The following ACKR3 variants were observed in gnomAD, a reference collection of about 807,000 sequenced individuals.
ACKR3 encodes C-X-C chemokine receptor type 7.
A neutral mutation model predicts 22.4 loss-of-function variants in ACKR3; 6 were observed. The observed-to-expected ratio is 0.27, with a 90% CI of 0.15 to 0.53. The LOEUF is 0.53. Among genes scored for constraint, ACKR3 ranks in the 20% least tolerant of loss-of-function variants. The pLI is 0.96. For missense variants in ACKR3, 396 were observed against 475.2 expected, an observed-to-expected ratio of 0.83 and a Z score of 1.55; for synonymous variants, 209 against 205.2, an observed-to-expected ratio of 1.02 and a Z score of -0.16.
At chr2:236,552,852 G>A in the ACKR3 span, among the ~76,000 whole-genome samples, 8,951 of 152,232 alleles carry the variant, frequency 0.059, 326 homozygotes, top group Non-Finnish European at 0.093. Flanking sequence ...CCACTTGTAC[G>A]GGCCTCTTCC....
rs144999866 is a variant in ACKR3, at chr2:236,580,812, C to T, written c.347C>T (p.Thr116Met). The change falls in exon 2 of 2, where the codon ACG (threonine) becomes ATG (methionine). Residue 116 changes from threonine (T) to methionine (M), a missense_variant. Coordinates refer to ENST00000272928, the MANE Select transcript of ACKR3 (RefSeq NM_020311.3). Reference sequence around the variant, plus strand: ...AACCAGTGGCCCATGGGCGAGCTCACGTGCAAAGTCACACACCTCATCTTC... The same window carrying T: ...AACCAGTGGCCCATGGGCGAGCTCATGTGCAAAGTCACACACCTCATCTTC... ...QHNQWPMGEL[T>M]CKVTHLIFSI... The T allele has an allele frequency of 2.4e-5, 39 of 1,614,082 alleles. No homozygotes were observed. The highest frequency in any genetic ancestry group is 8.9e-5 in the East Asian group (4 of 44,886).
At chr2:236,575,398 TG>T (rs1398290085) in intron 1 of ACKR3, among the ~76,000 whole-genome samples, 2 of 151,582 alleles carry the variant, frequency 1.3e-5, no homozygotes, top group East Asian at 1.9e-4. Context: ...TGTGTGCGTG[TG>T]TCTGGGGTTG....
chr2:236,556,907 C>T, the ACKR3 span, among the ~76,000 whole-genome samples: 15 of 152,298 alleles, frequency 9.8e-5, no homozygotes, highest in African/African-American at 3.6e-4. Flanking sequence ...AGGCTGATCT[C>T]GAGCTCCTGA....
At chr2:236,572,197 T>C (rs1306375318) in intron 1 of ACKR3, among the ~76,000 whole-genome samples, 2 of 152,206 alleles carry the variant, frequency 1.3e-5, no homozygotes, top group African/African-American at 4.8e-5. Context: ...GATGCTTTTA[T>C]CGACTAATTT....
upstream of ACKR3, among the ~76,000 whole-genome samples, chr2:236,566,995 C>A (rs911392173): frequency 6.6e-6 from 1 of 150,918 alleles, no homozygotes; most frequent in African/African-American, 2.4e-5. Flanking sequence ...ACCTTCCTTC[C>A]TTCCTTCCCC....
chr2:236,568,615 C>A (rs1008907322), upstream of ACKR3, among the ~76,000 whole-genome samples: 19 of 152,186 alleles, frequency 1.2e-4, no homozygotes, highest in Non-Finnish European at 2.1e-4. Context: ...TGCACCTCGC[C>A]TCCCGCTGGG....
In ACKR3 at chr2:236,581,581, G is replaced by A. The variant is rs1286251319; in HGVS notation, c.*27G>A. On this transcript the variant is annotated 3_prime_UTR_variant, in exon 2 of 2. Coordinates refer to ENST00000272928, the MANE Select transcript of ACKR3 (RefSeq NM_020311.3). The surrounding 1 kb of genome is among the most constrained non-coding windows in gnomAD (Gnocchi z 4.4). Reference sequence around the variant, plus strand: ...CTGCCCTGGAGAGGCTCTGGGACGGGTTTACTTGTTTTTGAACAGGGTGAT... The same window carrying A: ...CTGCCCTGGAGAGGCTCTGGGACGGATTTACTTGTTTTTGAACAGGGTGAT... 1.3e-6 allele frequency: 2 copies of A among 1,594,038 alleles called. No individual in the cohort carries two copies. Among genetic ancestry groups the A allele is most frequent in the African/African-American group, 1.3e-5 (1 of 74,274 alleles).
At chr2:236,575,320 T>G (rs1452662831) in intron 1 of ACKR3, among the ~76,000 whole-genome samples, 2 of 152,366 alleles carry the variant, frequency 1.3e-5, no homozygotes, top group South Asian at 2.1e-4. Flanking sequence ...TTCGTGCACA[T>G]GTATTTACAT....
At chr2:236,558,068 A>G in the ACKR3 span, among the ~76,000 whole-genome samples, 1 of 152,196 alleles carries the variant, frequency 6.6e-6, no homozygotes, top group Admixed American at 6.5e-5. Flanking sequence ...CTTTCTCTAG[A>G]ACAGACACGC....
chr2:236,549,537 A>G, the ACKR3 span, among the ~76,000 whole-genome samples: 1 of 152,112 alleles, frequency 6.6e-6, no homozygotes, highest in Non-Finnish European at 1.5e-5. The surrounding 1 kb of genome is among the most constrained non-coding windows in gnomAD (Gnocchi z 5.3). Context: ...CTACTGGGAG[A>G]TATGTGGCCA....
intron 1 of ACKR3, among the ~76,000 whole-genome samples, chr2:236,578,555 G>A (rs1016813512): frequency 3.3e-5 from 5 of 152,228 alleles, no homozygotes; most frequent in African/African-American, 1.2e-4. Context: ...AGCCGTGGAG[G>A]ACACTGAGTC....
At position 236,574,171 on chromosome 2, in the gene ACKR3, G is replaced by A. The variant is rs188570268; in HGVS notation, c.-27+4247G>A. Among the ~76,000 whole-genome samples, 1 of 152,108 alleles carries A rather than the reference G, an allele frequency of 6.6e-6. No homozygotes were observed. Among genetic ancestry groups the A allele is most frequent in the East Asian group, 1.9e-4 (1 of 5,160 alleles). ...ACGTGCCCCAGAGCAGTGCCTCCTG[G>A]AACAAGAGGCTCAGTCCGTCAACAC... On this transcript the variant is annotated intron_variant, in intron 1 of 1. Coordinates refer to ENST00000272928, the MANE Select transcript of ACKR3 (RefSeq NM_020311.3). This position sits in a 1 kb window ranked among gnomAD's most constrained non-coding sequence, Gnocchi z 5.6.
intron 1 of ACKR3, among the ~76,000 whole-genome samples, chr2:236,573,278 C>A (rs528127950): frequency 3.3e-5 from 5 of 152,232 alleles, no homozygotes; most frequent in Non-Finnish European, 5.9e-5. Context: ...AACTTGCAGG[C>A]TCAGCGTAAG....
the ACKR3 span, among the ~76,000 whole-genome samples, chr2:236,562,259 T>C: frequency 6.6e-6 from 1 of 152,254 alleles, no homozygotes; most frequent in Admixed American, 6.5e-5. Context: ...CAAGTTATAC[T>C]ATTTTCAAAT....
chr2:236,543,470 C>T, the ACKR3 span, among the ~76,000 whole-genome samples: 2 of 152,188 alleles, frequency 1.3e-5, no homozygotes, highest in African/African-American at 4.8e-5. Context: ...CCTTTACCCA[C>T]ACTGAGAGTA....
rs758427997 is a variant in ACKR3 at position 236,581,227 on chromosome 2, C to T, written c.762C>T (p.Ile254=). 3 of 1,613,892 alleles carry T rather than the reference C, an allele frequency of 1.9e-6. No homozygotes were observed. In the African/African-American group the frequency reaches 4.0e-5, roughly 22 times the overall value. ...DQEKHSSRKI[I]FSYVVVFLVC... is the part of the protein sequence containing the mutation. ...AGAAGCACAGCAGCCGGAAGATCAT[C>T]TTCTCCTACGTGGTGGTCTTCCTTG... Residue 254 remains isoleucine (I), a synonymous_variant, in exon 2 of 2, where the codon ATC becomes ATT. Transcript: ENST00000272928. This position sits in a 1 kb window ranked among gnomAD's most constrained non-coding sequence, Gnocchi z 4.4.
In ACKR3 at chr2:236,581,739, C is replaced by T. The variant is rs184987816; in HGVS notation, c.*185C>T. ...ATGACGCAGCTGTCATTTGGCTGTG[C>T]GTGCTGACAGTTTTGCAACAGGCAG... is the stretch of plus-strand genomic sequence containing the variant. On this transcript the variant is annotated 3_prime_UTR_variant, in exon 2 of 2. Coordinates refer to ENST00000272928, the MANE Select transcript of ACKR3 (RefSeq NM_020311.3). The surrounding 1 kb of genome is among the most constrained non-coding windows in gnomAD (Gnocchi z 4.4). 103 of 770,270 alleles carry T rather than the reference C, an allele frequency of 1.3e-4. No homozygotes were observed. Among genetic ancestry groups the T allele is most frequent in the South Asian group, 6.7e-4 (31 of 46,110 alleles). The allele number at this position is 770,270 out of a possible 1,614,324, so 47.7% of individuals were successfully genotyped here. A position where few individuals can be genotyped will look rare whatever the true frequency, so the allele number is the denominator to read the frequency against.
chr2:236,578,921 G>C (rs1369974051), intron 1 of ACKR3, among the ~76,000 whole-genome samples: 2 of 152,234 alleles, frequency 1.3e-5, no homozygotes, highest in Non-Finnish European at 2.9e-5. Flanking sequence ...CTTTCTTCCT[G>C]GCCAGGGAGG....
Position 236,574,950 on chromosome 2 carries a change from G to A in ACKR3, c.-27+5026G>A, listed in dbSNP as rs1034008465. ...AGGGCTGGACAGGTGCTTGCCCACC[G>A]CCGGCCACGGGAAAGTTCTCTCCCT... On this transcript the variant is annotated intron_variant, in intron 1 of 1. Transcript: ENST00000272928. The surrounding 1 kb of genome is among the most constrained non-coding windows in gnomAD (Gnocchi z 5.6). Among the ~76,000 whole-genome samples the A allele has an allele frequency of 3.3e-5, 5 of 152,156 alleles. No homozygotes were observed. Among genetic ancestry groups the A allele is most frequent in the Admixed American group, 3.3e-4 (5 of 15,278 alleles).
Sources: gnomAD v4.1 joint callset for allele counts (sites outside exome capture counted in the v4.1 genomes callset) on GRCh38, gnomAD v4.1.1 for gene constraint, Gnocchi (gnomAD v3.1) non-coding constraint, MANE v1.5 for transcripts, NCBI Gene and HGNC (gene_info 2026-07-23, HGNC 2026-07-21) for gene names.